ZC3H12B: variants seen among roughly 807,000 people sequenced by gnomAD.
ZC3H12B encodes the protein zinc finger CCCH-type containing 12B, also known as probable ribonuclease ZC3H12B.
A neutral mutation model predicts 43.9 loss-of-function variants in ZC3H12B; 7 were observed. That is an observed-to-expected ratio of 0.16 (90% CI 0.09 to 0.30). ZC3H12B has a LOEUF of 0.30. Among genes scored for constraint, ZC3H12B ranks in the 10% least tolerant of loss-of-function variants. The probability of loss-of-function intolerance (pLI) is 1.00; values close to 1 mark genes in which losing one functional copy is unlikely to be tolerated. For missense variants in ZC3H12B, 475 were observed against 670.2 expected (o/e 0.71, Z 3.22); for synonymous variants, 222 against 241.7 (o/e 0.92, Z 0.76).
chrX:65,216,073 G>T, the ZC3H12B span, among the ~76,000 whole-genome samples: 2 of 111,046 alleles, frequency 1.8e-5, no homozygotes, highest in Non-Finnish European at 3.8e-5. Context: ...GAGCAGCATG[G>T]TCAAATAAAA....
chrX:65,313,121 A>T, the ZC3H12B span, among the ~76,000 whole-genome samples: 3 of 111,393 alleles, frequency 2.7e-5, no homozygotes, highest in Non-Finnish European at 5.7e-5. Flanking sequence ...ATCCCAAGTG[A>T]TTCGCTCATC....
At chrX:65,495,443 G>C (rs1364068768) in intron 1 of ZC3H12B, among the ~76,000 whole-genome samples, 1 of 112,048 alleles carries the variant, frequency 8.9e-6, no homozygotes, top group African/African-American at 3.2e-5. Context: ...TAGTGAGCTA[G>C]TGCCAGTGAG....
chrX:65,278,374 C>T, the ZC3H12B span, among the ~76,000 whole-genome samples: 8 of 111,395 alleles, frequency 7.2e-5, no homozygotes, highest in East Asian at 1.4e-3. Flanking sequence ...CCCACAGTTC[C>T]GGGAATTGCA....
chrX:65,336,680 T>C, the ZC3H12B span, among the ~76,000 whole-genome samples: 1 of 112,057 alleles, frequency 8.9e-6, no homozygotes, highest in African/African-American at 3.2e-5. Context: ...AAGCATTGTC[T>C]GTGACAGAGT....
the ZC3H12B span, among the ~76,000 whole-genome samples, chrX:65,191,535 T>G: frequency 2.0e-5 from 2 of 101,749 alleles, no homozygotes; most frequent in African/African-American, 4.5e-5. Flanking sequence ...TGGGAGAGTG[T>G]ATGTGTCGAG....
the ZC3H12B span, among the ~76,000 whole-genome samples, chrX:65,129,263 A>ATATGGCTCTAT: frequency 1.9e-5 from 2 of 106,161 alleles, no homozygotes; most frequent in African/African-American, 7.0e-5. Context: ...ATATGTATAT[A>ATATGGCTCTAT]TATATATATA....
intron 3 of ZC3H12B, among the ~76,000 whole-genome samples, chrX:65,428,186 T>TAAA: frequency 8.9e-6 from 1 of 112,091 alleles, no homozygotes; most frequent in South Asian, 3.8e-4. Context: ...TCTGGCTGCT[T>TAAA]TTAACAGTTT....
At chrX:65,144,751 G>T in the ZC3H12B span, among the ~76,000 whole-genome samples, 1 of 111,292 alleles carries the variant, frequency 9.0e-6, no homozygotes, top group African/African-American at 3.3e-5. Context: ...TCAGGAGCAG[G>T]TTATTTAATT....
At chrX:65,448,895 AAGAGAGAG>A (rs201462714) in intron 3 of ZC3H12B, among the ~76,000 whole-genome samples, 1 of 99,829 alleles carries the variant, frequency 1.0e-5, no homozygotes, top group Non-Finnish European at 2.0e-5. Context: ...TAAAGAAAGA[AAGAGAGAG>A]AGAAAGAGAG....
chrX:65,490,536 G>C (rs1311680260), intron 1 of ZC3H12B, among the ~76,000 whole-genome samples: 1 of 111,294 alleles, frequency 9.0e-6, no homozygotes, highest in Non-Finnish European at 1.9e-5. Flanking sequence ...AGAATAAATT[G>C]GTGCTATTTT....
At chrX:65,069,566 A>C in the ZC3H12B span, among the ~76,000 whole-genome samples, 2 of 111,224 alleles carry the variant, frequency 1.8e-5, no homozygotes, top group Non-Finnish European at 3.8e-5. Context: ...ATTTTCTTTG[A>C]GTTTCCTCAA....
chrX:65,373,703 G>C (rs2066279472), intron 2 of ZC3H12B, among the ~76,000 whole-genome samples: 1 of 88,627 alleles, frequency 1.1e-5, no homozygotes, highest in Non-Finnish European at 2.2e-5. Context: ...AGGACACTTG[G>C]ACACAGGAAG....
the ZC3H12B span, among the ~76,000 whole-genome samples, chrX:65,209,934 T>A: frequency 2.2e-4 from 20 of 92,667 alleles, no homozygotes; most frequent in East Asian, 5.4e-3. Flanking sequence ...GGATTAAAGA[T>A]TTAAACATTA....
the ZC3H12B span, among the ~76,000 whole-genome samples, chrX:65,247,102 A>T: frequency 2.9e-5 from 3 of 105,033 alleles, no homozygotes; most frequent in Non-Finnish European, 5.6e-5. Flanking sequence ...ACCAACAGAC[A>T]CTTCAATACA....
chrX:65,375,522 G>A (rs1040022742), intron 2 of ZC3H12B, among the ~76,000 whole-genome samples: 1 of 111,905 alleles, frequency 8.9e-6, no homozygotes, highest in African/African-American at 3.2e-5. Context: ...TCATGGCTGC[G>A]AAAGAGACAC....
chrX:65,175,572 T>C, the ZC3H12B span, among the ~76,000 whole-genome samples: 20 of 111,948 alleles, frequency 1.8e-4, no homozygotes, highest in African/African-American at 5.8e-4. Flanking sequence ...CAAAATGCAG[T>C]CAAACTGGTA....
At chrX:65,500,357 A>G (rs181682371) in intron 4 of ZC3H12B, among the ~76,000 whole-genome samples, 5 of 112,633 alleles carry the variant, frequency 4.4e-5, no homozygotes, top group African/African-American at 1.3e-4. Flanking sequence ...CATGTGTCTC[A>G]GGCAGGTGAC....
intron 3 of ZC3H12B, among the ~76,000 whole-genome samples, chrX:65,421,901 T>G (rs2067022390): frequency 9.6e-6 from 1 of 104,559 alleles, no homozygotes; most frequent in African/African-American, 3.6e-5. Flanking sequence ...TGAGCCGAGA[T>G]CGTGCCACTG....
chrX:65,103,871 T>C, the ZC3H12B span, among the ~76,000 whole-genome samples: 1 of 111,752 alleles, frequency 8.9e-6, no homozygotes, highest in African/African-American at 3.3e-5. Flanking sequence ...TCAATACTAT[T>C]ATCATCAAGC....
Sources: gnomAD v4.1 joint callset for allele counts (sites outside exome capture counted in the v4.1 genomes callset) on GRCh38, gnomAD v4.1.1 for gene constraint, MANE v1.5 for transcripts, NCBI Gene and HGNC (gene_info 2026-07-23, HGNC 2026-07-21) for gene names.